The following LMBRD2 variants were observed in gnomAD, a reference collection of about 807,000 sequenced individuals.
The protein encoded by LMBRD2 is G protein-coupled receptor-associated protein LMBRD2.
Under a neutral mutation model 94.4 loss-of-function variants are expected in LMBRD2, and 55 were observed. The observed-to-expected ratio is 0.58, with a 90% CI of 0.47 to 0.73. The LOEUF is 0.73. Among genes scored for constraint, LMBRD2 ranks in the 30% least tolerant of loss-of-function variants. The probability of loss-of-function intolerance (pLI) is 0.00; values close to 1 mark genes in which losing one functional copy is unlikely to be tolerated. For missense variants in LMBRD2, 640 were observed against 831.9 expected, an observed-to-expected ratio of 0.77 and a Z score of 2.84; for synonymous variants, 246 against 272.4, an observed-to-expected ratio of 0.90 and a Z score of 0.95.
intron 6 of LMBRD2, among the ~76,000 whole-genome samples, chr5:36,130,225 T>C (rs1034400280): frequency 6.6e-6 from 1 of 152,050 alleles, no homozygotes; most frequent in African/African-American, 2.4e-5. Context: ...CTACAACAAC[T>C]TTTTAAGACA....
intron 5 of LMBRD2, 81 bp downstream of exon 5, chr5:36,137,193 C>A: frequency 1.1e-6 from 1 of 894,380 alleles, no homozygotes; most frequent in East Asian, 2.6e-5. Flanking sequence ...TGTCTTTTTA[C>A]CTGCACATAT....
rs1744273918 is a variant in LMBRD2 at position 36,136,452 on chromosome 5, A to G, written c.604T>C (p.Leu202=). 2 of 1,614,030 alleles carry G rather than the reference A, an allele frequency of 1.2e-6. No homozygotes were observed. The highest frequency in any genetic ancestry group is 1.6e-4 in the Middle Eastern group (1 of 6,062). The change falls in exon 6 of 18, where the codon TTG becomes CTG. Residue 202 remains leucine (L), a synonymous_variant. Coordinates refer to ENST00000296603, the MANE Select transcript of LMBRD2 (RefSeq NM_001007527.2). ...GGAATTTCCACCAAGCCATACCCCA[A>G]CAACAACACAAGAAGAAACAGACCC... is the stretch of plus-strand genomic sequence containing the variant. The part of the protein sequence containing the change: ...TWGLFLLVLL[L]GYGLVEIPRS...
At chr5:36,117,430 G>A (rs1743783968) in intron 10 of LMBRD2, among the ~76,000 whole-genome samples, 1 of 151,912 alleles carries the variant, frequency 6.6e-6, no homozygotes, top group Non-Finnish European at 1.5e-5. Context: ...GCTGCAGTGA[G>A]CCATGTTCAT....
At chr5:36,138,954 G>A (rs1014465483) in intron 4 of LMBRD2, among the ~76,000 whole-genome samples, 2 of 152,220 alleles carry the variant, frequency 1.3e-5, no homozygotes, top group East Asian at 1.9e-4. Context: ...GTTGCTGGCC[G>A]CAGTGTGGGG....
In LMBRD2 at chr5:36,103,952, T is replaced by C. The variant is rs148862325; in HGVS notation, c.*94A>G. 2.5e-6 allele frequency: 2 copies of C among 816,284 alleles called. No individual in the cohort carries two copies. Among genetic ancestry groups the C allele is most frequent in the Admixed American group, 2.2e-5 (1 of 44,848 alleles). 50.6% of individuals were successfully genotyped at this position (816,284 alleles called of 1,614,324 possible). ...TTTTTGTTATCTTGACACTTTTCAC[T>C]GTGTATAGAGGAAATTCTAGGGTAC... On this transcript the variant is annotated 3_prime_UTR_variant, in exon 18 of 18. Coordinates refer to ENST00000296603, the MANE Select transcript of LMBRD2 (RefSeq NM_001007527.2).
chr5:36,104,964 T>C, intron 17 of LMBRD2, 104 bp downstream of exon 17: 1 of 1,097,330 alleles, frequency 9.1e-7, no homozygotes, highest in Non-Finnish European at 1.3e-6. Context: ...ACTTATCACT[T>C]GTTTACTTTC....
chr5:36,138,731 A>T (rs952349938), intron 4 of LMBRD2, among the ~76,000 whole-genome samples: 6 of 152,254 alleles, frequency 3.9e-5, no homozygotes, highest in African/African-American at 1.4e-4. Flanking sequence ...AAAAAAATTT[A>T]GTTGTGATCA....
At chr5:36,144,217 T>C (rs1325808022) in intron 1 of LMBRD2, among the ~76,000 whole-genome samples, 1 of 152,228 alleles carries the variant, frequency 6.6e-6, no homozygotes, top group African/African-American at 2.4e-5. Context: ...GTCTCTATTT[T>C]AAAATTGAAA....
chr5:36,103,281 T>C lies in LMBRD2; in HGVS notation c.*765A>G, dbSNP rs984734821. The stretch of plus-strand genomic sequence containing the variant: ...ATATCATAATCAACATTTAAATCAA[T>C]ATGTTAAATGATAAATGTGAACATA... On this transcript the variant is annotated 3_prime_UTR_variant, in exon 18 of 18. Transcript: ENST00000296603. The C allele has an allele frequency of 1.3e-5, 2 of 152,268 alleles. No individual in the cohort carries two copies. The highest frequency in any genetic ancestry group is 4.8e-5 in the African/African-American group (2 of 41,410). 9.4% of individuals were successfully genotyped at this position (152,268 alleles called of 1,614,324 possible). A position where few individuals can be genotyped will look rare whatever the true frequency, so the allele number is the denominator to read the frequency against.
chr5:36,138,632 A>T (rs994261171), intron 4 of LMBRD2, among the ~76,000 whole-genome samples: 2 of 152,172 alleles, frequency 1.3e-5, no homozygotes, highest in Non-Finnish European at 2.9e-5. Context: ...GTGCTGGTGT[A>T]TGGGTGTATT....
Position 36,122,393 on chromosome 5 carries a change from T to C in LMBRD2, c.1007A>G (p.Tyr336Cys), listed in dbSNP as rs1743906764. The change falls in exon 9 of 18, where the codon TAT (tyrosine) becomes TGT (cysteine). Residue 336 changes from tyrosine (Y) to cysteine (C), a missense_variant. Coordinates refer to ENST00000296603, the MANE Select transcript of LMBRD2 (RefSeq NM_001007527.2). ...TTCATTTTTTGCTACATCTTCTAGA[T>C]AAAATGCTTGTTCCAAAAGAATCTG... The part of the protein sequence containing the change: ...QWQILLEQAF[Y>C]LEDVAKNETS... The C allele has an allele frequency of 6.2e-7, 1 of 1,613,498 alleles. No individual in the cohort carries two copies.
At chr5:36,111,332 C>T in intron 13 of LMBRD2, 74 bp from the exon 14 acceptor site, 2 of 970,676 alleles carry the variant, frequency 2.1e-6, no homozygotes, top group Non-Finnish European at 3.2e-6. Context: ...TGTTCTTTAG[C>T]ATTGTCACTC....
intron 6 of LMBRD2, among the ~76,000 whole-genome samples, chr5:36,136,071 C>A (rs1167454788): frequency 6.6e-6 from 1 of 152,154 alleles, no homozygotes; most frequent in Non-Finnish European, 1.5e-5. Context: ...ATAGGCGTAG[C>A]CCTGCACTAT....
rs146575621 is a variant in LMBRD2, at chr5:36,116,451, C to T, written c.1436+9G>A. 131 of 1,610,908 alleles carry T rather than the reference C, an allele frequency of 8.1e-5. No homozygotes were observed. In the East Asian group the frequency reaches 2.9e-3, roughly 35 times the overall value. On this transcript the variant is annotated intron_variant, in intron 11 of 17. Transcript: ENST00000296603. ...CATTTCTCTTGTTTCTAAACATAAT[C>T]CTACTTACATGCCACTGAAAAGAAG...
intron 15 of LMBRD2, among the ~76,000 whole-genome samples, chr5:36,109,204 C>T (rs1378913387): frequency 6.6e-6 from 1 of 152,084 alleles, no homozygotes; most frequent in African/African-American, 2.4e-5. Context: ...CATTCTAAAA[C>T]ATCCTTGCCA....
At chr5:36,139,639 T>C (rs1048178451) in intron 4 of LMBRD2, among the ~76,000 whole-genome samples, 3 of 152,218 alleles carry the variant, frequency 2.0e-5, no homozygotes, top group African/African-American at 7.2e-5. Context: ...CTTAGGTAGA[T>C]GACAGGACAA....
intron 10 of LMBRD2, 86 bp from the exon 11 acceptor site, chr5:36,116,679 T>C: frequency 7.2e-7 from 1 of 1,385,786 alleles, no homozygotes; most frequent in South Asian, 1.3e-5. Context: ...TTCATTTCTT[T>C]TTCTTTTGTT....
At chr5:36,137,228 A>C in intron 5 of LMBRD2, 46 bp downstream of exon 5, 1 of 1,284,600 alleles carries the variant, frequency 7.8e-7, no homozygotes, top group Non-Finnish European at 1.1e-6. Flanking sequence ...TTTTTTAAAA[A>C]TGCAAACATA....
At chr5:36,141,742 T>G (rs182414964) in intron 3 of LMBRD2, among the ~76,000 whole-genome samples, 2 of 151,356 alleles carry the variant, frequency 1.3e-5, no homozygotes, top group East Asian at 3.9e-4. Flanking sequence ...TTTGAAGACA[T>G]GATGAGTCTC....
Sources: gnomAD v4.1 joint callset for allele counts (sites outside exome capture counted in the v4.1 genomes callset) on GRCh38, gnomAD v4.1.1 for gene constraint, MANE v1.5 for transcripts, NCBI Gene and HGNC (gene_info 2026-07-23, HGNC 2026-07-21) for gene names.